Variants in CMSS1 observed in about 807,000 individuals in gnomAD.
The protein encoded by CMSS1 is cms1 ribosomal small subunit homolog.
Under a neutral mutation model 43.5 loss-of-function variants are expected in CMSS1, and 33 were observed. The ratio of observed to expected loss-of-function variants is 0.76; its 90% confidence interval spans 0.57 to 1.01. The LOEUF is 1.01. CMSS1 is among the 50% of genes least tolerant of loss of function. The pLI, the probability that CMSS1 is intolerant of heterozygous loss-of-function variation, is 0.00. For synonymous variants in CMSS1, 115 were observed against 117.2 expected, an observed-to-expected ratio of 0.98 and a Z score of 0.12; for missense variants, 313 against 326.4, an observed-to-expected ratio of 0.96 and a Z score of 0.32.
At chr3:99,819,824 G>A (rs1294136565) in intron 1 of CMSS1, among the ~76,000 whole-genome samples, 1 of 148,782 alleles carries the variant, frequency 6.7e-6, no homozygotes, top group African/African-American at 2.5e-5. Flanking sequence ...GCACGATCTC[G>A]GCTCACTGCA....
At chr3:99,925,447 A>G (rs528459123) in intron 1 of CMSS1, among the ~76,000 whole-genome samples, 4 of 152,262 alleles carry the variant, frequency 2.6e-5, no homozygotes, top group African/African-American at 9.6e-5. Flanking sequence ...CCTTGCTTAT[A>G]AGAGGTGCCC....
chr3:100,098,299 G>A (rs1347736609), intron 1 of CMSS1, among the ~76,000 whole-genome samples: 1 of 152,200 alleles, frequency 6.6e-6, no homozygotes, highest in African/African-American at 2.4e-5. Flanking sequence ...CAAGCACTGT[G>A]TTTTAGAGTG....
At chr3:100,173,495 G>C (rs1160070386) in intron 8 of CMSS1, among the ~76,000 whole-genome samples, 2 of 152,180 alleles carry the variant, frequency 1.3e-5, no homozygotes, top group African/African-American at 4.8e-5. Flanking sequence ...AGGAGCTCCT[G>C]ATCCAGCTGA....
intron 1 of CMSS1, among the ~76,000 whole-genome samples, chr3:100,143,992 G>A (rs887739807): frequency 3.3e-5 from 5 of 151,786 alleles, no homozygotes; most frequent in Admixed American, 2.0e-4. Context: ...CATATAGTTC[G>A]GTCATATTTT....
chr3:100,071,035 A>G (rs1020932228), intron 1 of CMSS1, among the ~76,000 whole-genome samples: 2 of 149,026 alleles, frequency 1.3e-5, no homozygotes, highest in African/African-American at 4.9e-5. Flanking sequence ...AAAATAAGCC[A>G]AGTTCTTTTT....
At chr3:99,915,797 C>T (rs1233540408) in intron 1 of CMSS1, among the ~76,000 whole-genome samples, 1 of 152,154 alleles carries the variant, frequency 6.6e-6, no homozygotes, top group Non-Finnish European at 1.5e-5. Flanking sequence ...TGTCATTAGC[C>T]TGCAACTTTG....
intron 1 of CMSS1, among the ~76,000 whole-genome samples, chr3:100,118,710 C>A (rs766707649): frequency 6.6e-6 from 1 of 152,044 alleles, no homozygotes; most frequent in African/African-American, 2.4e-5. Context: ...AAAAGTTGAC[C>A]CCTAGGACAG....
At chr3:99,821,073 G>C (rs1237044752) in intron 1 of CMSS1, among the ~76,000 whole-genome samples, 1 of 152,148 alleles carries the variant, frequency 6.6e-6, no homozygotes, top group African/African-American at 2.4e-5. Context: ...CTATCTGTTT[G>C]TTGTCTGTCT....
intron 1 of CMSS1, among the ~76,000 whole-genome samples, chr3:99,844,587 C>T (rs1409324820): frequency 2.0e-5 from 3 of 152,178 alleles, no homozygotes; most frequent in Non-Finnish European, 2.9e-5. Flanking sequence ...GGGAGTTTTA[C>T]TTCAACCAGT....
intron 9 of CMSS1, among the ~76,000 whole-genome samples, chr3:100,177,204 A>G (rs916400204): frequency 1.3e-5 from 2 of 152,246 alleles, no homozygotes; most frequent in African/African-American, 4.8e-5. Flanking sequence ...CAGATTGACC[A>G]AACCTGATTA....
chr3:100,086,214 T>G lies in CMSS1; in HGVS notation c.65-60759T>G, dbSNP rs146695787. On this transcript the variant is annotated intron_variant, in intron 1 of 9. Coordinates refer to ENST00000421999, the MANE Select transcript of CMSS1 (RefSeq NM_032359.4). ...TTGACCTGCCATGGGCTGCTTTATT[T>G]TATTCAGTCTCAAATAGTTAACCTA... is the stretch of plus-strand genomic sequence containing the variant. Among the ~76,000 whole-genome samples, 447 of 152,346 alleles carry G rather than the reference T, an allele frequency of 2.9e-3. 2 individuals are homozygous for G. Among genetic ancestry groups the G allele is most frequent in the African/African-American group, 1.0e-2 (415 of 41,576 alleles).
intron 1 of CMSS1, among the ~76,000 whole-genome samples, chr3:100,080,318 A>AG (rs1490960930): frequency 6.9e-6 from 1 of 144,684 alleles, no homozygotes; most frequent in Non-Finnish European, 1.6e-5. Context: ...CCTAGCTAAG[A>AG]GGGGGAAAAA....
At chr3:99,897,861 T>C (rs1706309185) in intron 1 of CMSS1, among the ~76,000 whole-genome samples, 1 of 152,228 alleles carries the variant, frequency 6.6e-6, no homozygotes, top group Non-Finnish European at 1.5e-5. Context: ...TGCTGAAATA[T>C]ATGTGGTAAA....
At chr3:99,829,212 T>G (rs1942597498) in intron 1 of CMSS1, among the ~76,000 whole-genome samples, 2 of 143,676 alleles carry the variant, frequency 1.4e-5, no homozygotes, top group South Asian at 4.6e-4. Context: ...AAAAAATGTT[T>G]AGTGTCGTTC....
intron 1 of CMSS1, among the ~76,000 whole-genome samples, chr3:99,843,129 T>C (rs1461128209): frequency 9.2e-5 from 14 of 152,248 alleles, no homozygotes; most frequent in Non-Finnish European, 1.8e-4. Flanking sequence ...TTTGCTTCAC[T>C]GTGCCATAAG....
chr3:99,917,987 G>T (rs1234889951), intron 1 of CMSS1, among the ~76,000 whole-genome samples: 2 of 151,520 alleles, frequency 1.3e-5, no homozygotes, highest in African/African-American at 4.9e-5. Context: ...GTTTTGTTTT[G>T]TTTTTTTTGA....
intron 2 of CMSS1, 111 bp downstream of exon 2, chr3:100,147,172 G>A (rs1317773142): frequency 5.2e-6 from 6 of 1,160,214 alleles, no homozygotes; most frequent in Non-Finnish European, 7.0e-6. Context: ...GGATTTAAGA[G>A]AGCCTTTTAC....
intron 1 of CMSS1, among the ~76,000 whole-genome samples, chr3:100,076,196 A>G (rs915172968): frequency 6.6e-5 from 10 of 152,120 alleles, no homozygotes; most frequent in African/African-American, 1.4e-4. Flanking sequence ...AGAGTTAAGT[A>G]CCTCTTTTTG....
intron 1 of CMSS1, among the ~76,000 whole-genome samples, chr3:100,064,663 A>G (rs1474304963): frequency 6.6e-6 from 1 of 152,194 alleles, no homozygotes; most frequent in Non-Finnish European, 1.5e-5. Flanking sequence ...GACCTAATGG[A>G]ACTTTTTATT....
Sources: gnomAD v4.1 joint callset for allele counts (sites outside exome capture counted in the v4.1 genomes callset) on GRCh38, gnomAD v4.1.1 for gene constraint, MANE v1.5 for transcripts, NCBI Gene and HGNC (gene_info 2026-07-23, HGNC 2026-07-21) for gene names.